Variants in DNM2 observed in about 807,000 individuals in gnomAD.
DNM2 encodes the protein dynamin 2, also known as dynamin-2.
In DNM2, 15 loss-of-function variants were observed where a neutral mutation model predicts 99.0. That is an observed-to-expected ratio of 0.15 (90% CI 0.10 to 0.23). The LOEUF is 0.23. Ranked by LOEUF, DNM2 falls within the 10% of genes least tolerant of loss-of-function variation. The pLI is 1.00. For synonymous variants in DNM2, 525 were observed against 481.2 expected (o/e 1.09, Z -1.19); for missense variants, 742 against 1,189.4 (o/e 0.62, Z 5.53).
chr19:10,784,562 C>T (rs1346521130), intron 6 of DNM2, among the ~76,000 whole-genome samples: 2 of 152,102 alleles, frequency 1.3e-5, no homozygotes, highest in African/African-American at 2.4e-5. Flanking sequence ...AGAGCAGCAG[C>T]GCCCCTTCCT....
chr19:10,753,456 T>C (rs574782995), intron 1 of DNM2, among the ~76,000 whole-genome samples: 10 of 135,800 alleles, frequency 7.4e-5, no homozygotes, highest in Non-Finnish European at 1.1e-4. Flanking sequence ...CCCTTTTCCT[T>C]CTCTTCTTCC....
Position 10,797,394 on chromosome 19 carries a change from C to T in DNM2, c.1211C>T (p.Thr404Ile). The stretch of plus-strand genomic sequence containing the variant: ...GCATGACCCAGGACGGGGCTCTTCA[C>T]CCCCGACATGGCCTTTGAAGCCATT... ...NIHGVRTGLF[T>I]PDMAFEAIVK... Residue 404 changes from threonine to isoleucine, a missense_variant, in exon 10 of 21, where the codon ACC becomes ATC. This residue lies in a region of DNM2 where 240 missense variants were observed against 431.3 expected (regional missense o/e 0.56). Coordinates refer to ENST00000389253, the MANE Select transcript of DNM2 (RefSeq NM_001005361.3). The T allele has an allele frequency of 6.2e-7, 1 of 1,613,014 alleles. No homozygotes were observed. The highest frequency in any genetic ancestry group is 8.5e-7 in the Non-Finnish European group (1 of 1,179,990).
At chr19:10,768,010 C>T (rs1208597997) in intron 2 of DNM2, among the ~76,000 whole-genome samples, 2 of 152,180 alleles carry the variant, frequency 1.3e-5, no homozygotes, top group African/African-American at 4.8e-5. Context: ...CAGACCTGGT[C>T]GGTGCCTGGG....
intron 1 of DNM2, among the ~76,000 whole-genome samples, chr19:10,729,807 T>A (rs536058511): frequency 6.6e-6 from 1 of 152,058 alleles, no homozygotes; most frequent in East Asian, 1.9e-4. Context: ...CCTCTGGTGT[T>A]TCTGTACTTA....
rs1312513508 is a variant in DNM2 at position 10,830,328 on chromosome 19, C to T, written c.2493C>T (p.Ile831=). The T allele has an allele frequency of 1.9e-6, 3 of 1,613,302 alleles. No individual in the cohort carries two copies. Among genetic ancestry groups the T allele is most frequent in the African/African-American group, 1.3e-5 (1 of 74,912 alleles). The stretch of plus-strand genomic sequence containing the variant: ...ACCTCTTCCCAGCCCCGCCTCAGAT[C>T]CCATCTCGGCCAGTTCGGATCCCCC... ...NSDLFPAPPQ[I]PSRPVRIPPG... is the part of the protein sequence containing the mutation. Residue 831 remains isoleucine (I), a synonymous_variant, in exon 20 of 21, where the codon ATC becomes ATT. Coordinates refer to ENST00000389253, the MANE Select transcript of DNM2 (RefSeq NM_001005361.3). This position sits in a 1 kb window ranked among gnomAD's most constrained non-coding sequence, Gnocchi z 4.8.
chr19:10,831,003 C>A lies in DNM2; in HGVS notation c.2569C>A (p.Arg857=). 2 of 1,611,908 alleles carry A rather than the reference C, an allele frequency of 1.2e-6. No individual in the cohort carries two copies. The highest frequency in any genetic ancestry group is 1.7e-6 in the Non-Finnish European group (2 of 1,179,172). The change falls in exon 21 of 21, where the codon CGG becomes AGG. Residue 857 remains arginine, a synonymous_variant. Transcript: ENST00000389253. The surrounding 1 kb of genome is among the most constrained non-coding windows in gnomAD (Gnocchi z 4.3). The part of the protein sequence containing the change: ...PSRRPPAAPS[R]PTIIRPAEPS... Reference sequence around the variant, plus strand: ...CAGAAGACCCCCTGCTGCGCCCAGCCGGCCCACCATTATCCGCCCAGCCGA... The same window carrying A: ...CAGAAGACCCCCTGCTGCGCCCAGCAGGCCCACCATTATCCGCCCAGCCGA...
Position 10,831,135 on chromosome 19 carries a change from C to G in DNM2, c.*88C>G, listed in dbSNP as rs886054143. 1.3e-4 allele frequency: 192 copies of G among 1,484,026 alleles called. No individual in the cohort carries two copies. In the Admixed American group the frequency reaches 1.4e-3, roughly 11 times the overall value. 91.9% of individuals were successfully genotyped at this position (1,484,026 alleles called of 1,614,324 possible). Reference sequence around the variant, plus strand: ...TCTGGGGCCCTCCGCCGCCCCTATGCTGGGACCAGGCTCCCAGTGGGCAGC... The same window carrying G: ...TCTGGGGCCCTCCGCCGCCCCTATGGTGGGACCAGGCTCCCAGTGGGCAGC... On this transcript the variant is annotated 3_prime_UTR_variant, in exon 21 of 21. Coordinates refer to ENST00000389253, the MANE Select transcript of DNM2 (RefSeq NM_001005361.3). The surrounding 1 kb of genome is among the most constrained non-coding windows in gnomAD (Gnocchi z 4.3).
In DNM2 at chr19:10,775,611, A is replaced by G. The variant is rs2071127856; in HGVS notation, c.386-92A>G. The G allele has an allele frequency of 7.0e-7, 1 of 1,432,090 alleles. No homozygotes were observed. Among genetic ancestry groups the G allele is most frequent in the Admixed American group, 1.7e-5 (1 of 59,814 alleles). 88.7% of individuals were successfully genotyped at this position (1,432,090 alleles called of 1,614,324 possible). A position where few individuals can be genotyped will look rare whatever the true frequency, so the allele number is the denominator to read the frequency against. ...ACATCCTCAAGTCTGAGCCCCGCGC[A>G]GGAACTTTGGTAGTCAGCTGGGTGG... On this transcript the variant is annotated intron_variant, in intron 3 of 20. Coordinates refer to ENST00000389253, the MANE Select transcript of DNM2 (RefSeq NM_001005361.3). This position sits in a 1 kb window ranked among gnomAD's most constrained non-coding sequence, Gnocchi z 4.3.
chr19:10,748,067 A>T (rs988240059), intron 1 of DNM2, among the ~76,000 whole-genome samples: 1 of 152,080 alleles, frequency 6.6e-6, no homozygotes, highest in Non-Finnish European at 1.5e-5. Flanking sequence ...TGAGGACAGG[A>T]AGGTGACAGG....
At chr19:10,740,763 T>C (rs2069716724) in intron 1 of DNM2, among the ~76,000 whole-genome samples, 1 of 152,256 alleles carries the variant, frequency 6.6e-6, no homozygotes, top group African/African-American at 2.4e-5. Flanking sequence ...AGTTTTGATA[T>C]GTTGTGTTTT....
At chr19:10,797,263 C>T (rs1391654859) in intron 9 of DNM2, 117 bp from the exon 10 acceptor site, 32 of 1,447,514 alleles carry the variant, frequency 2.2e-5, no homozygotes, top group Non-Finnish European at 3.0e-5. Flanking sequence ...CTCCCCCATG[C>T]ATGGACTAAT....
intron 1 of DNM2, among the ~76,000 whole-genome samples, chr19:10,743,876 A>G (rs1005496710): frequency 9.4e-5 from 14 of 149,292 alleles, no homozygotes; most frequent in African/African-American, 3.5e-4. Flanking sequence ...AGTCCCAGCT[A>G]CTTGGGAGGC....
At chr19:10,740,410 C>T (rs1055761339) in intron 1 of DNM2, among the ~76,000 whole-genome samples, 1 of 150,670 alleles carries the variant, frequency 6.6e-6, no homozygotes, top group South Asian at 2.1e-4. Flanking sequence ...GAGTCTCGCT[C>T]TGTCGCCCAG....
rs982568623 is a variant in DNM2 at position 10,828,923 on chromosome 19, T to C, written c.2059-113T>C. ...CTGGGTGACAGAGCAAGACTCTTTTTCAAAAAAGTCTGGGGGTGGCCCCGC... is the reference window on the plus strand; with the variant it reads ...CTGGGTGACAGAGCAAGACTCTTTTCCAAAAAAGTCTGGGGGTGGCCCCGC... On this transcript the variant is annotated intron_variant, in intron 18 of 20. Coordinates refer to ENST00000389253, the MANE Select transcript of DNM2 (RefSeq NM_001005361.3). 5.3e-6 allele frequency: 6 copies of C among 1,128,402 alleles called. No homozygotes were observed. In the African/African-American group the frequency reaches 9.3e-5, roughly 17 times the overall value. The allele number at this position is 1,128,402 out of a possible 1,614,324, so 69.9% of individuals were successfully genotyped here.
intron 18 of DNM2, among the ~76,000 whole-genome samples, chr19:10,826,395 A>G (rs1221887158): frequency 1.3e-5 from 2 of 152,120 alleles, no homozygotes; most frequent in Non-Finnish European, 1.5e-5. Flanking sequence ...GCTGTGTCCT[A>G]ATGATCTGGG....
chr19:10,803,984 T>TC (rs986932952), intron 12 of DNM2, among the ~76,000 whole-genome samples: 2 of 152,060 alleles, frequency 1.3e-5, no homozygotes, highest in Non-Finnish European at 2.9e-5. Flanking sequence ...GGAGAGATCT[T>TC]CCTGAAGAAG....
At chr19:10,731,556 G>A (rs1310889292) in intron 1 of DNM2, among the ~76,000 whole-genome samples, 2 of 152,224 alleles carry the variant, frequency 1.3e-5, no homozygotes, top group East Asian at 1.9e-4. Context: ...GTTTTGCCAT[G>A]TTGGCCAGGC....
At chr19:10,776,463 A>T (rs1221902984) in intron 4 of DNM2, among the ~76,000 whole-genome samples, 2 of 129,610 alleles carry the variant, frequency 1.5e-5, no homozygotes, top group Non-Finnish European at 3.4e-5. Context: ...GGCCCCCTTG[A>T]TGCCCAAATT....
chr19:10,736,810 C>A (rs980569355), intron 1 of DNM2, among the ~76,000 whole-genome samples: 1 of 152,140 alleles, frequency 6.6e-6, no homozygotes, highest in Non-Finnish European at 1.5e-5. Flanking sequence ...TTGTCCTCAC[C>A]CCCAGGCTGT....
Sources: allele counts gnomAD v4.1 joint callset (sites outside exome capture counted in the v4.1 genomes callset), GRCh38; gene constraint gnomAD v4.1.1; regional missense constraint gnomAD v4.1.1; non-coding constraint Gnocchi (gnomAD v3.1); transcripts MANE v1.5; gene names NCBI Gene and HGNC (gene_info 2026-07-23, HGNC 2026-07-21).